The following NCAM2 variants were observed in gnomAD, a reference collection of about 807,000 sequenced individuals.
NCAM2 encodes neural cell adhesion molecule 2.
In NCAM2, 30 loss-of-function variants were observed where a neutral mutation model predicts 98.1. The observed-to-expected ratio is 0.31, with a 90% CI of 0.23 to 0.41. NCAM2 has a LOEUF of 0.41. NCAM2 is among the 10% of genes least tolerant of loss of function. The probability of loss-of-function intolerance (pLI) is 1.00; values close to 1 mark genes in which losing one functional copy is unlikely to be tolerated. For missense variants in NCAM2, 867 were observed against 1,005.8 expected, an observed-to-expected ratio of 0.86 and a Z score of 1.87; for synonymous variants, 368 against 342.4, an observed-to-expected ratio of 1.07 and a Z score of -0.83.
chr21:21,158,892 A>G (rs1467642212), intron 1 of NCAM2, among the ~76,000 whole-genome samples: 1 of 152,140 alleles, frequency 6.6e-6, no homozygotes, highest in Non-Finnish European at 1.5e-5. Context: ...TTTATAAAAG[A>G]GAAAACGTAA....
chr21:21,418,073 A>T (rs1328166305), intron 10 of NCAM2, among the ~76,000 whole-genome samples: 1 of 151,628 alleles, frequency 6.6e-6, no homozygotes, highest in African/African-American at 2.4e-5. Context: ...TTACACCTAC[A>T]TTGATTGCAA....
intron 1 of NCAM2, among the ~76,000 whole-genome samples, chr21:21,160,689 A>T (rs1196841827): frequency 2.0e-5 from 3 of 152,020 alleles, no homozygotes; most frequent in Non-Finnish European, 4.4e-5. Context: ...AGTGTTGTGT[A>T]TGCAAGACAA....
intron 1 of NCAM2, among the ~76,000 whole-genome samples, chr21:21,218,484 A>AT (rs2070001211): frequency 2.0e-5 from 3 of 152,194 alleles, no homozygotes; most frequent in Admixed American, 6.5e-5. Flanking sequence ...TCAAAAAATA[A>AT]TTAAGATTGC....
chr21:21,300,539 C>A (rs2073675049), intron 5 of NCAM2, among the ~76,000 whole-genome samples: 1 of 96 alleles, frequency 0.01, no homozygotes, highest in Non-Finnish European at 0.022. Flanking sequence ...CATTCCACAG[C>A]CTCTTTACAA....
chr21:21,531,425 A>G (rs1224552739), intron 16 of NCAM2, among the ~76,000 whole-genome samples: 1 of 152,148 alleles, frequency 6.6e-6, no homozygotes, highest in Non-Finnish European at 1.5e-5. Context: ...ATTACAAGTA[A>G]CCTACAGGAA....
chr21:21,317,768 C>T (rs1031822097), intron 5 of NCAM2, among the ~76,000 whole-genome samples: 19 of 152,210 alleles, frequency 1.2e-4, no homozygotes, highest in Non-Finnish European at 2.1e-4. Context: ...CTCCTGGGCT[C>T]AGGTGATTCT....
chr21:21,116,700 A>G (rs2066567581), intron 1 of NCAM2, among the ~76,000 whole-genome samples: 1 of 151,916 alleles, frequency 6.6e-6, no homozygotes, highest in Non-Finnish European at 1.5e-5. Context: ...AAAAATACCA[A>G]AAAAAATAGC....
At chr21:21,526,672 G>A (rs1989341693) in intron 16 of NCAM2, among the ~76,000 whole-genome samples, 2 of 152,018 alleles carry the variant, frequency 1.3e-5, no homozygotes, top group East Asian at 1.9e-4. Flanking sequence ...AATAACCAAA[G>A]TAATATTGAA....
At chr21:21,136,485 G>A (rs141065833) in intron 1 of NCAM2, among the ~76,000 whole-genome samples, 2,684 of 150,112 alleles carry the variant, frequency 0.018, 92 homozygotes, top group African/African-American at 0.062. Context: ...TTTTGGAGAC[G>A]GAGTCTCATT....
intron 1 of NCAM2, among the ~76,000 whole-genome samples, chr21:21,279,352 G>C (rs556501500): frequency 1.4e-4 from 21 of 151,798 alleles, no homozygotes; most frequent in Non-Finnish European, 2.4e-4. Context: ...GTGTTATCTG[G>C]TGTTCTTTTT....
chr21:21,323,001 T>C (rs232464), intron 5 of NCAM2, among the ~76,000 whole-genome samples: 108,675 of 151,976 alleles, frequency 0.72, 39,130 homozygotes, highest in Non-Finnish European at 0.78. Context: ...GTTGACTACT[T>C]AACACATACA....
chr21:21,121,728 T>A (rs1164069249), intron 1 of NCAM2, among the ~76,000 whole-genome samples: 1 of 152,198 alleles, frequency 6.6e-6, no homozygotes, highest in Non-Finnish European at 1.5e-5. Context: ...CGTTTGGAAG[T>A]CTGATGGAAA....
chr21:21,265,250 T>C (rs1442450982), intron 1 of NCAM2, among the ~76,000 whole-genome samples: 121 of 128,934 alleles, frequency 9.4e-4, no homozygotes, highest in Non-Finnish European at 1.5e-3. Flanking sequence ...TGTATGTGTA[T>C]ATATACGTAT....
At chr21:21,400,650 A>G (rs759235448) in intron 9 of NCAM2, among the ~76,000 whole-genome samples, 40 of 150,806 alleles carry the variant, frequency 2.7e-4, no homozygotes, top group Non-Finnish European at 4.9e-4. Context: ...CACTGATGCA[A>G]TCTTGGCTCA....
chr21:21,524,291 A>G (rs1989196249), intron 16 of NCAM2, among the ~76,000 whole-genome samples: 1 of 152,236 alleles, frequency 6.6e-6, no homozygotes, highest in South Asian at 2.1e-4. Flanking sequence ...GATCTTTAAC[A>G]TGTATATGTT....
intron 1 of NCAM2, among the ~76,000 whole-genome samples, chr21:21,007,209 A>G (rs1182553473): frequency 6.6e-6 from 1 of 152,134 alleles, no homozygotes; most frequent in African/African-American, 2.4e-5. Context: ...AAATAAGCTC[A>G]CTTGTAGTTT....
At chr21:21,017,925 C>A (rs1157803929) in intron 1 of NCAM2, among the ~76,000 whole-genome samples, 1 of 151,972 alleles carries the variant, frequency 6.6e-6, no homozygotes, top group East Asian at 1.9e-4. Flanking sequence ...CATACAGAAG[C>A]TTGGGGAAAC....
At chr21:21,341,033 TTACAG>T (rs5842917) in intron 8 of NCAM2, among the ~76,000 whole-genome samples, 2,778 of 152,202 alleles carry the variant, frequency 0.018, 75 homozygotes, top group East Asian at 0.14. Context: ...TATTACAAAT[TTACAG>T]TACAAATTTA....
chr21:21,460,996 G>T (rs1175678881), intron 12 of NCAM2, among the ~76,000 whole-genome samples: 1 of 151,704 alleles, frequency 6.6e-6, no homozygotes, highest in Non-Finnish European at 1.5e-5. Context: ...ATTTAGGGAA[G>T]TTAGCAATTT....
Sources: allele counts gnomAD v4.1 joint callset (sites outside exome capture counted in the v4.1 genomes callset), GRCh38; gene constraint gnomAD v4.1.1; transcripts MANE v1.5; gene names NCBI Gene and HGNC (gene_info 2026-07-23, HGNC 2026-07-21).